FSTL5: variants seen among roughly 807,000 people sequenced by gnomAD.
FSTL5 encodes follistatin like 5, also known as follistatin-related protein 5.
A neutral mutation model predicts 89.1 loss-of-function variants in FSTL5; 62 were observed. That is an observed-to-expected ratio of 0.70 (90% CI 0.57 to 0.86). The LOEUF (loss-of-function observed/expected upper bound fraction) is 0.86, where lower values mean the gene tolerates loss of function less well. Among genes scored for constraint, FSTL5 ranks in the 40% least tolerant of loss-of-function variants. The pLI, the probability that FSTL5 is intolerant of heterozygous loss-of-function variation, is 0.00. For missense variants in FSTL5, 1,057 were observed against 1,001.6 expected (o/e 1.06, Z -0.75); for synonymous variants, 383 against 346.2 (o/e 1.11, Z -1.18).
intron 7 of FSTL5, among the ~76,000 whole-genome samples, chr4:161,611,218 G>GTATA (rs1734630689): frequency 8.0e-6 from 1 of 124,852 alleles, no homozygotes; most frequent in Non-Finnish European, 1.6e-5. Context: ...GTGTATATGT[G>GTATA]TGTATGTGTA....
In FSTL5 at chr4:161,977,639, A is replaced by AAAAAAT. The variant is rs1553988132; in HGVS notation, c.160+55985_160+55986insATTTTT. 2.0e-3 allele frequency among the ~76,000 whole-genome samples: 202 copies of AAAAAAT among 101,098 alleles called. 6 individuals are homozygous for AAAAAAT. Among genetic ancestry groups the AAAAAAT allele is most frequent in the Non-Finnish European group, 3.1e-3 (160 of 52,392 alleles). The allele number at this position is 101,098 out of a possible 152,430, so 66.3% of individuals were successfully genotyped here. A position where few individuals can be genotyped will look rare whatever the true frequency, so the allele number is the denominator to read the frequency against. On this transcript the variant is annotated intron_variant, in intron 3 of 15. Transcript: ENST00000306100. ...AAAAAAAAAAAAAAAAAAAAAAAAA[A>AAAAAAT]AATAATAATAATAATAATAATAATA...
intron 1 of FSTL5, among the ~76,000 whole-genome samples, chr4:162,119,813 T>C (rs1731785340): frequency 1.3e-5 from 2 of 152,256 alleles, no homozygotes; most frequent in Non-Finnish European, 2.9e-5. Flanking sequence ...AATCTGTCCC[T>C]GTGCCCCCTT....
At chr4:162,017,113 T>A (rs1424919289) in intron 3 of FSTL5, among the ~76,000 whole-genome samples, 1 of 152,192 alleles carries the variant, frequency 6.6e-6, no homozygotes, top group African/African-American at 2.4e-5. Flanking sequence ...CTCTATAATT[T>A]TCCCTTAGAG....
At chr4:162,037,455 A>G (rs1737785967) in intron 2 of FSTL5, among the ~76,000 whole-genome samples, 1 of 151,946 alleles carries the variant, frequency 6.6e-6, no homozygotes, top group South Asian at 2.1e-4. Context: ...GGTGAGAAGA[A>G]TCACACATAC....
In FSTL5 at chr4:161,888,131, C is replaced by A. The variant is rs575464433; in HGVS notation, c.409+32273G>T. Among the ~76,000 whole-genome samples the A allele has an allele frequency of 5.6e-4, 85 of 152,188 alleles. No homozygotes were observed. In the South Asian group the frequency reaches 0.017, roughly 31 times the overall value. ...AAAAGAGACTAATACATTTCCCAAA[C>A]CCATTTCTTTTCCTCCTGTGCACAA... On this transcript the variant is annotated intron_variant, in intron 4 of 15. Coordinates refer to ENST00000306100, the MANE Select transcript of FSTL5 (RefSeq NM_020116.5).
intron 2 of FSTL5, among the ~76,000 whole-genome samples, chr4:162,039,823 G>A (rs1341427231): frequency 6.6e-6 from 1 of 151,908 alleles, no homozygotes; most frequent in Non-Finnish European, 1.5e-5. Flanking sequence ...AGTCAAAAGT[G>A]ATATGTTCTA....
intron 3 of FSTL5, among the ~76,000 whole-genome samples, chr4:162,013,969 A>G (rs1262973104): frequency 6.6e-6 from 1 of 152,168 alleles, no homozygotes; most frequent in African/African-American, 2.4e-5. Flanking sequence ...CTCAGAAGCC[A>G]AAATGCACTG....
chr4:161,443,330 G>T (rs1732839878), intron 15 of FSTL5, among the ~76,000 whole-genome samples: 1 of 151,890 alleles, frequency 6.6e-6, no homozygotes, highest in Non-Finnish European at 1.5e-5. Context: ...AAGAGGGAGG[G>T]TGATTCCTTA....
intron 4 of FSTL5, among the ~76,000 whole-genome samples, chr4:161,802,939 A>T (rs949870199): frequency 1.3e-5 from 2 of 151,908 alleles, no homozygotes; most frequent in African/African-American, 2.4e-5. Flanking sequence ...TCTAATTATT[A>T]TGACAAGAAA....
chr4:161,991,116 G>C (rs1196028556), intron 3 of FSTL5, among the ~76,000 whole-genome samples: 1 of 151,984 alleles, frequency 6.6e-6, no homozygotes, highest in Non-Finnish European at 1.5e-5. Context: ...AAAAATGAAA[G>C]GACTATTAAG....
chr4:161,820,534 T>G (rs1730457864), intron 4 of FSTL5, among the ~76,000 whole-genome samples: 1 of 152,216 alleles, frequency 6.6e-6, no homozygotes, highest in Non-Finnish European at 1.5e-5. Context: ...TGTGAATGTG[T>G]ATTTGTCAAT....
intron 15 of FSTL5, among the ~76,000 whole-genome samples, chr4:161,428,248 C>T (rs982018902): frequency 6.6e-6 from 1 of 152,206 alleles, no homozygotes; most frequent in Non-Finnish European, 1.5e-5. Context: ...CCCCCACGGG[C>T]TAAAGGGCTC....
intron 1 of FSTL5, among the ~76,000 whole-genome samples, chr4:162,117,281 C>CACCT (rs1731678985): frequency 6.6e-6 from 1 of 152,196 alleles, no homozygotes; most frequent in South Asian, 2.1e-4. Flanking sequence ...TATAGTGTAG[C>CACCT]ACCTGTACCA....
At chr4:161,848,035 T>G (rs1298928317) in intron 4 of FSTL5, among the ~76,000 whole-genome samples, 1 of 6,756 alleles carries the variant, frequency 1.5e-4, no homozygotes, top group African/African-American at 3.3e-4. Flanking sequence ...AGACTCCGTC[T>G]CAAAAAAAAA....
intron 7 of FSTL5, among the ~76,000 whole-genome samples, chr4:161,599,060 A>C (rs1256443545): frequency 1.3e-5 from 2 of 152,130 alleles, no homozygotes. Flanking sequence ...ACTACAAGCC[A>C]TAATTGGACA....
At chr4:161,675,900 T>A (rs979698633) in intron 6 of FSTL5, among the ~76,000 whole-genome samples, 2 of 152,104 alleles carry the variant, frequency 1.3e-5, no homozygotes, top group African/African-American at 4.8e-5. Context: ...TTTAACTGCA[T>A]GAATTATTAT....
chr4:161,978,601 A>G (rs548655670), intron 3 of FSTL5, among the ~76,000 whole-genome samples: 1 of 152,254 alleles, frequency 6.6e-6, no homozygotes, highest in Non-Finnish European at 1.5e-5. Flanking sequence ...AAGAATAACG[A>G]TGGTCTTCTA....
intron 4 of FSTL5, among the ~76,000 whole-genome samples, chr4:161,788,598 C>T (rs1285008139): frequency 6.6e-6 from 1 of 152,174 alleles, no homozygotes; most frequent in African/African-American, 2.4e-5. Context: ...TTTGAAACAA[C>T]ACCTGTGCAG....
At chr4:161,406,983 T>G (rs1731404458) in intron 15 of FSTL5, among the ~76,000 whole-genome samples, 1 of 152,184 alleles carries the variant, frequency 6.6e-6, no homozygotes, top group Non-Finnish European at 1.5e-5. Context: ...TCTAATGTCA[T>G]TTTTGTTCCT....
Sources: allele counts gnomAD v4.1 joint callset (sites outside exome capture counted in the v4.1 genomes callset), GRCh38; gene constraint gnomAD v4.1.1; transcripts MANE v1.5; gene names NCBI Gene and HGNC (gene_info 2026-07-23, HGNC 2026-07-21).